SECTM1: variants seen among roughly 807,000 people sequenced by gnomAD.
The protein encoded by SECTM1 is secreted and transmembrane 1.
A neutral mutation model predicts 18.1 loss-of-function variants in SECTM1; 10 were observed. The ratio of observed to expected loss-of-function variants is 0.55; its 90% confidence interval spans 0.34 to 0.94. The LOEUF is 0.94. Ranked by LOEUF, SECTM1 falls within the 40% of genes least tolerant of loss-of-function variation. The pLI is 0.02. For synonymous variants in SECTM1, 137 were observed against 139.2 expected, an observed-to-expected ratio of 0.98 and a Z score of 0.11; for missense variants, 297 against 322.6, an observed-to-expected ratio of 0.92 and a Z score of 0.61.
At chr17:82,322,589 G>GT (rs2147265841) in intron 4 of SECTM1, among the ~76,000 whole-genome samples, 1 of 152,278 alleles carries the variant, frequency 6.6e-6, no homozygotes, top group East Asian at 1.9e-4. Flanking sequence ...GAAACTCCAA[G>GT]TTCCGTCCCT....
intron 1 of SECTM1, chr17:82,327,981 C>A: frequency 7.1e-6 from 1 of 141,750 alleles, no homozygotes; most frequent in Admixed American, 7.0e-5. Flanking sequence ...GCCTCCCCAG[C>A]CTGTCCATCA....
Position 82,330,533 on chromosome 17 carries a change from G to C in SECTM1, c.-53+3167C>G, listed in dbSNP as rs555526826. Among the ~76,000 whole-genome samples the C allele has an allele frequency of 6.6e-6, 1 of 152,304 alleles. No individual in the cohort carries two copies. Among genetic ancestry groups the C allele is most frequent in the Non-Finnish European group, 1.5e-5 (1 of 68,000 alleles). The stretch of plus-strand genomic sequence containing the variant: ...CTGCACCCTGAGCCAGACCTCAGCA[G>C]CTGGGTCCTGGAGGCCCCCAAGGGC... On this transcript the variant is annotated intron_variant, in intron 1 of 4. Coordinates refer to ENST00000269389, the MANE Select transcript of SECTM1 (RefSeq NM_003004.3). The surrounding 1 kb of genome is among the most constrained non-coding windows in gnomAD (Gnocchi z 6.1).
Position 82,330,507 on chromosome 17 carries a change from G to C in SECTM1, c.-53+3193C>G, listed in dbSNP as rs1178019789. On this transcript the variant is annotated intron_variant, in intron 1 of 4. Coordinates refer to ENST00000269389, the MANE Select transcript of SECTM1 (RefSeq NM_003004.3). The surrounding 1 kb of genome is among the most constrained non-coding windows in gnomAD (Gnocchi z 6.1). ...TGAGTCAGCCCTGACTCGGCAGAGA[G>C]CTGCACCCTGAGCCAGACCTCAGCA... is the stretch of plus-strand genomic sequence containing the variant. Among the ~76,000 whole-genome samples, 3 of 152,246 alleles carry C rather than the reference G, an allele frequency of 2.0e-5. No homozygotes were observed. Among genetic ancestry groups the C allele is most frequent in the Middle Eastern group, 6.8e-3 (2 of 294 alleles).
intron 1 of SECTM1, among the ~76,000 whole-genome samples, chr17:82,331,067 T>C (rs2052187411): frequency 6.6e-6 from 1 of 152,200 alleles, no homozygotes; most frequent in African/African-American, 2.4e-5. Context: ...TTGGCGACCC[T>C]GACCCTTGTC....
At chr17:82,322,522 T>C (rs1193018488) in intron 4 of SECTM1, 152 bp from the exon 5 acceptor site, 12 of 801,142 alleles carry the variant, frequency 1.5e-5, no homozygotes, top group Non-Finnish European at 2.4e-5. Context: ...GTTCTGAAAC[T>C]GCTGGAGGTT....
rs1435341883 is a variant in SECTM1, at chr17:82,329,716, G to A, written c.-52-2424C>T. ...TGGGTCAGGGTGGTCCCTTCTGGAG[G>A]CTCCAGGCGGAATCTGTCCCTCTCC... On this transcript the variant is annotated intron_variant, in intron 1 of 4. Transcript: ENST00000269389. This position sits in a 1 kb window ranked among gnomAD's most constrained non-coding sequence, Gnocchi z 7.6. 2.0e-5 allele frequency among the ~76,000 whole-genome samples: 3 copies of A among 151,982 alleles called. No individual in the cohort carries two copies. The highest frequency in any genetic ancestry group is 7.2e-5 in the African/African-American group (3 of 41,388).
rs138527891 is a variant in SECTM1, at chr17:82,321,936, G to A, written c.*225C>T. ...TGCGTCCTGGTAAGTCGGGTGCTGC[G>A]GAGGTGAGGTGGTTCCATTTTGGAA... On this transcript the variant is annotated 3_prime_UTR_variant, in exon 5 of 5. Transcript: ENST00000269389. 88 of 562,604 alleles carry A rather than the reference G, an allele frequency of 1.6e-4. No homozygotes were observed. The highest frequency in any genetic ancestry group is 1.6e-4 in the Non-Finnish European group (51 of 315,490). 34.9% of individuals were successfully genotyped at this position (562,604 alleles called of 1,614,324 possible).
At chr17:82,332,011 G>A (rs1019950838) in intron 1 of SECTM1, among the ~76,000 whole-genome samples, 26 of 152,026 alleles carry the variant, frequency 1.7e-4, no homozygotes, top group Non-Finnish European at 4.4e-5. Flanking sequence ...GCGTGGTGGT[G>A]CACGCCTGTA....
rs1298573988 is a variant in SECTM1 at position 82,330,581 on chromosome 17, T to C, written c.-53+3119A>G. Among the ~76,000 whole-genome samples the C allele has an allele frequency of 6.6e-6, 1 of 152,144 alleles. No individual in the cohort carries two copies. The highest frequency in any genetic ancestry group is 1.5e-5 in the Non-Finnish European group (1 of 68,014). On this transcript the variant is annotated intron_variant, in intron 1 of 4. Transcript: ENST00000269389. The surrounding 1 kb of genome is among the most constrained non-coding windows in gnomAD (Gnocchi z 6.1). ...GGCCAGCTGCACGCACCTGGCTTCATGCCAAGCTCCTCCCGCCTGGCAGTG... is the reference window on the plus strand; with the variant it reads ...GGCCAGCTGCACGCACCTGGCTTCACGCCAAGCTCCTCCCGCCTGGCAGTG...
chr17:82,322,407 G>A (rs766360486), intron 4 of SECTM1, 37 bp from the exon 5 acceptor site: 53 of 1,592,320 alleles, frequency 3.3e-5, no homozygotes, highest in South Asian at 1.5e-4. Flanking sequence ...TGTGAGCCGC[G>A]CGCCCCCGTG....
intron 1 of SECTM1, among the ~76,000 whole-genome samples, chr17:82,331,777 G>A (rs1289458462): frequency 2.0e-5 from 3 of 152,260 alleles, no homozygotes; most frequent in Non-Finnish European, 2.9e-5. Flanking sequence ...GGGCAGCTCC[G>A]TGTGTGGCAC....
At chr17:82,323,281 G>T (rs545513071) in intron 3 of SECTM1, 157 of 471,892 alleles carry the variant, frequency 3.3e-4, no homozygotes, top group African/African-American at 2.9e-3. Context: ...GGTCCCAGGA[G>T]CTGCGCGCTG....
At chr17:82,327,927 C>G (rs370319311) in intron 1 of SECTM1, among the ~76,000 whole-genome samples, 3 of 144,442 alleles carry the variant, frequency 2.1e-5, no homozygotes, top group Admixed American at 6.9e-5. Context: ...AGCCAGCGGC[C>G]CCCCCAGCCC....
chr17:82,331,103 G>A (rs1276687494), intron 1 of SECTM1, among the ~76,000 whole-genome samples: 1 of 152,208 alleles, frequency 6.6e-6, no homozygotes, highest in Non-Finnish European at 1.5e-5. Flanking sequence ...GGCGGCAAGG[G>A]ATGGGCTGGA....
intron 1 of SECTM1, among the ~76,000 whole-genome samples, chr17:82,331,134 G>A (rs1441551824): frequency 7.2e-5 from 11 of 152,100 alleles, no homozygotes; most frequent in East Asian, 1.9e-4. Flanking sequence ...AGCAGGTGGC[G>A]GTGCCCTTCC....
rs1174943602 is a variant in SECTM1, at chr17:82,324,659, T to C, written c.326A>G (p.Asp109Gly). 2 of 1,613,284 alleles carry C rather than the reference T, an allele frequency of 1.2e-6. No individual in the cohort carries two copies. The highest frequency in any genetic ancestry group is 1.3e-5 in the African/African-American group (1 of 74,680). Residue 109 changes from aspartate to glycine, a missense_variant, in exon 3 of 5, where the codon GAC becomes GGC. Coordinates refer to ENST00000269389, the MANE Select transcript of SECTM1 (RefSeq NM_003004.3). The stretch of plus-strand genomic sequence containing the variant: ...CCACATGTACAGCCCAGCATGGGAG[T>C]CCCGGGCGCCTTTGATCACCAGCTG... Reference protein sequence around the residue: ...VAQLVIKGARDSHAGLYMWHL... With the variant: ...VAQLVIKGARGSHAGLYMWHL...
In SECTM1 at chr17:82,327,079, T is replaced by C. The variant is rs534518335; in HGVS notation, c.94+68A>G. On this transcript the variant is annotated intron_variant, in intron 2 of 4. Coordinates refer to ENST00000269389, the MANE Select transcript of SECTM1 (RefSeq NM_003004.3). ...CCTGGACCCAACCTCAGTCCACCCC[T>C]CCTGCCCCTGTCATGCCCCCACCGG... The C allele has an allele frequency of 5.3e-5, 67 of 1,266,992 alleles. 1 individual carries two copies. The Admixed American group carries it at 1.3e-3, about 24-fold the overall frequency. The allele number at this position is 1,266,992 out of a possible 1,614,324, so 78.5% of individuals were successfully genotyped here.
In SECTM1 at chr17:82,329,983, C is replaced by T. The variant is rs1567845444; in HGVS notation, c.-52-2691G>A. On this transcript the variant is annotated intron_variant, in intron 1 of 4. Transcript: ENST00000269389. The surrounding 1 kb of genome is among the most constrained non-coding windows in gnomAD (Gnocchi z 7.6). ...GCCATGTCAGGTTCTGGGATGAGGA[C>T]GTGACATCTTTGGGGACTGGTAGCC... Among the ~76,000 whole-genome samples, 1 of 152,200 alleles carries T rather than the reference C, an allele frequency of 6.6e-6. No individual in the cohort carries two copies. Among genetic ancestry groups the T allele is most frequent in the African/African-American group, 2.4e-5 (1 of 41,450 alleles).
In SECTM1 at chr17:82,323,034, G is replaced by A. The variant is rs768687225; in HGVS notation, c.404-23C>T. On this transcript the variant is annotated intron_variant, in intron 3 of 4. Transcript: ENST00000269389. ...CACCTGAAGGAGGCAGTTCAGGGGT[G>A]TACAGGTGGGCTGGGCATCCCCCAC... The A allele has an allele frequency of 3.1e-6, 5 of 1,600,022 alleles. No homozygotes were observed. In the Admixed American group the frequency reaches 6.9e-5, roughly 22 times the overall value.
Sources: allele counts gnomAD v4.1 joint callset (sites outside exome capture counted in the v4.1 genomes callset), GRCh38; gene constraint gnomAD v4.1.1; non-coding constraint Gnocchi (gnomAD v3.1); transcripts MANE v1.5; gene names NCBI Gene and HGNC (gene_info 2026-07-23, HGNC 2026-07-21).